GNB4: variants seen among roughly 807,000 people sequenced by gnomAD.
GNB4 encodes guanine nucleotide-binding protein subunit beta-4.
Under a neutral mutation model 45.2 loss-of-function variants are expected in GNB4, and 28 were observed. That is an observed-to-expected ratio of 0.62 (90% CI 0.46 to 0.85). The LOEUF is 0.85. Among genes scored for constraint, GNB4 ranks in the 40% least tolerant of loss-of-function variants. The pLI, the probability that GNB4 is intolerant of heterozygous loss-of-function variation, is 0.00. For synonymous variants in GNB4, 132 were observed against 143.7 expected, an observed-to-expected ratio of 0.92 and a Z score of 0.58; for missense variants, 321 against 425.4, an observed-to-expected ratio of 0.75 and a Z score of 2.16.
chr3:179,413,031 T>C (rs1320062284), intron 8 of GNB4, among the ~76,000 whole-genome samples: 1 of 151,578 alleles, frequency 6.6e-6, no homozygotes, highest in African/African-American at 2.4e-5. Context: ...AATACAAAAT[T>C]GGCCATGCAT....
chr3:179,455,352 T>TA (rs1715962390), upstream of GNB4, among the ~76,000 whole-genome samples: 1 of 152,180 alleles, frequency 6.6e-6, no homozygotes, highest in African/African-American at 2.4e-5. Context: ...GAAAAAACAC[T>TA]AAACTGCACA....
chr3:179,452,117 T>TA (rs1715897814), upstream of GNB4, among the ~76,000 whole-genome samples: 1 of 152,146 alleles, frequency 6.6e-6, no homozygotes, highest in Admixed American at 6.5e-5. Context: ...ACTTGGAAGT[T>TA]ATTGTTCCTA....
At chr3:179,519,749 A>G in the GNB4 span, among the ~76,000 whole-genome samples, 2 of 152,034 alleles carry the variant, frequency 1.3e-5, no homozygotes, top group Non-Finnish European at 2.9e-5. Context: ...CATTTAAACC[A>G]CAAGTATAGG....
intron 1 of GNB4, among the ~76,000 whole-genome samples, chr3:179,436,756 C>T (rs1360205041): frequency 1.3e-5 from 2 of 152,126 alleles, no homozygotes; most frequent in Non-Finnish European, 2.9e-5. Context: ...GTTGCAGATG[C>T]TGAAATTGTA....
chr3:179,464,813 T>C, the GNB4 span: 9 of 1,345,896 alleles, frequency 6.7e-6, no homozygotes, highest in South Asian at 1.2e-5. Context: ...TGCTGATGGC[T>C]TTCATGTAAT....
At chr3:179,409,201 G>T (rs1285750119) in intron 8 of GNB4, among the ~76,000 whole-genome samples, 1 of 151,468 alleles carries the variant, frequency 6.6e-6, no homozygotes, top group Non-Finnish European at 1.5e-5. Flanking sequence ...AATGACATCA[G>T]CTTCTATCTT....
At chr3:179,515,991 C>T in the GNB4 span, among the ~76,000 whole-genome samples, 1 of 152,036 alleles carries the variant, frequency 6.6e-6, no homozygotes, top group Non-Finnish European at 1.5e-5. Flanking sequence ...GACACAGGGT[C>T]TGAATAAGAG....
upstream of GNB4, among the ~76,000 whole-genome samples, chr3:179,451,772 C>T (rs1035639887): frequency 6.6e-6 from 1 of 152,288 alleles, no homozygotes; most frequent in East Asian, 1.9e-4. Context: ...AAGTAGCGCC[C>T]GTCTAAGTGG....
chr3:179,414,602 A>T (rs1016009016), intron 6 of GNB4, among the ~76,000 whole-genome samples: 2 of 152,260 alleles, frequency 1.3e-5, no homozygotes, highest in Non-Finnish European at 2.9e-5. Context: ...TGGCAGCAGA[A>T]AATGGAGAAC....
the GNB4 span, among the ~76,000 whole-genome samples, chr3:179,508,928 A>ATGTG: frequency 9.8e-6 from 1 of 102,272 alleles, no homozygotes; most frequent in African/African-American, 3.8e-5. Flanking sequence ...CTCTTTCAGC[A>ATGTG]TGTGTATATA....
the GNB4 span, among the ~76,000 whole-genome samples, chr3:179,526,323 C>T: frequency 2.0e-5 from 3 of 152,190 alleles, no homozygotes; most frequent in South Asian, 6.2e-4. Flanking sequence ...GATATGATGG[C>T]TTAGCTTGAG....
chr3:179,432,246 CCTTT>C, intron 1 of GNB4, among the ~76,000 whole-genome samples: 2 of 152,272 alleles, frequency 1.3e-5, no homozygotes, highest in African/African-American at 4.8e-5. Context: ...ACAACCGCAA[CCTTT>C]CTTTGGATGT....
Position 179,420,898 on chromosome 3 carries a change from C to A in GNB4, c.87G>T (p.Thr29=). The A allele has an allele frequency of 6.3e-7, 1 of 1,589,374 alleles. No individual in the cohort carries two copies. The highest frequency in any genetic ancestry group is 8.6e-7 in the Non-Finnish European group (1 of 1,161,800). Residue 29 remains threonine (T), a synonymous_variant, in exon 3 of 10, where the codon ACG becomes ACT. Transcript: ENST00000232564. ...AAAAACAAAACTTTACCTGAACAAGCGTTGCATCATTACATGCTTTCCGAG... is the reference window on the plus strand; with the variant it reads ...AAAAACAAAACTTTACCTGAACAAGAGTTGCATCATTACATGCTTTCCGAG... ...QDARKACNDA[T]LVQITSNMDS... is the part of the protein sequence containing the mutation.
chr3:179,435,877 C>T (rs1159444952), intron 1 of GNB4, among the ~76,000 whole-genome samples: 3 of 152,344 alleles, frequency 2.0e-5, no homozygotes, highest in South Asian at 2.1e-4. Context: ...AAAAAATACA[C>T]TTGCATAATT....
chr3:179,466,007 G>GTGTTTT, the GNB4 span, among the ~76,000 whole-genome samples: 1 of 90,908 alleles, frequency 1.1e-5, no homozygotes, highest in South Asian at 4.0e-4. Flanking sequence ...TCCTCTAGTC[G>GTGTTTT]TTTTTTTTTT....
At chr3:179,508,546 C>T in the GNB4 span, among the ~76,000 whole-genome samples, 1 of 152,190 alleles carries the variant, frequency 6.6e-6, no homozygotes, top group African/African-American at 2.4e-5. Flanking sequence ...GGAAGTTATT[C>T]TTCTGCGAGT....
chr3:179,413,077 C>A (rs1714695601), intron 8 of GNB4, among the ~76,000 whole-genome samples: 1 of 151,958 alleles, frequency 6.6e-6, no homozygotes, highest in African/African-American at 2.4e-5. Context: ...TACCAGGAGA[C>A]TGAGGTGGGA....
chr3:179,403,303 G>GAA (rs144857646), intron 9 of GNB4, among the ~76,000 whole-genome samples: 6 of 140,254 alleles, frequency 4.3e-5, no homozygotes, highest in African/African-American at 1.6e-4. Context: ...CAAAAATGAA[G>GAA]AAAAAAAAAA....
upstream of GNB4, among the ~76,000 whole-genome samples, chr3:179,456,254 G>A (rs1346318879): frequency 6.6e-6 from 1 of 152,002 alleles, no homozygotes; most frequent in Non-Finnish European, 1.5e-5. Context: ...ACCACATACA[G>A]CTAATTTTTT....
Sources: gnomAD v4.1 joint callset for allele counts (sites outside exome capture counted in the v4.1 genomes callset) on GRCh38, gnomAD v4.1.1 for gene constraint, MANE v1.5 for transcripts, NCBI Gene and HGNC (gene_info 2026-07-23, HGNC 2026-07-21) for gene names.